The following FRY variants were observed in gnomAD, a reference collection of about 807,000 sequenced individuals.
The protein encoded by FRY is protein furry homolog.
A neutral mutation model predicts 348.4 loss-of-function variants in FRY; 128 were observed. That is an observed-to-expected ratio of 0.37 (90% CI 0.32 to 0.43). FRY has a LOEUF of 0.43. Among genes scored for constraint, FRY ranks in the 20% least tolerant of loss-of-function variants. FRY has a pLI of 1.00. For synonymous variants in FRY, 1,370 were observed against 1,374.7 expected (o/e 1.00, Z 0.08); for missense variants, 2,736 against 3,695.2 (o/e 0.74, Z 6.73).
chr13:32,278,125 C>G (rs1888627921), intron 57 of FRY, among the ~76,000 whole-genome samples: 1 of 152,192 alleles, frequency 6.6e-6, no homozygotes, highest in South Asian at 2.1e-4. Flanking sequence ...AGTATTGGTC[C>G]TGTCTTCTAA....
chr13:32,078,398 A>T (rs1322583766), intron 1 of FRY, among the ~76,000 whole-genome samples: 1 of 152,092 alleles, frequency 6.6e-6, no homozygotes, highest in Non-Finnish European at 1.5e-5. Context: ...AGTCCTTTCC[A>T]TTATTAGAAT....
In FRY at chr13:32,185,129, C is replaced by T; in HGVS notation, c.3300C>T (p.Asn1100=). ...CACATTTTAGTGCAATGGTGGCCAA[C>T]TTGATTCAGTGTGTTCCAGGTACGG... is the stretch of plus-strand genomic sequence containing the variant. ...IRAHFSAMVA[N]LIQCVPVHHR... Residue 1100 remains asparagine, a synonymous_variant, in exon 26 of 61, where the codon AAC becomes AAT. Transcript: ENST00000542859. 2 of 1,613,950 alleles carry T rather than the reference C, an allele frequency of 1.2e-6. No individual in the cohort carries two copies. The highest frequency in any genetic ancestry group is 1.7e-6 in the Non-Finnish European group (2 of 1,179,828).
At chr13:32,094,863 A>G (rs1876582754) in intron 2 of FRY, among the ~76,000 whole-genome samples, 2 of 152,128 alleles carry the variant, frequency 1.3e-5, no homozygotes, top group Admixed American at 1.3e-4. Context: ...TCCTCTCAGT[A>G]TTTGGAAAAG....
chr13:32,274,739 G>A, intron 55 of FRY, 103 bp from the exon 56 acceptor site: 1 of 600,462 alleles, frequency 1.7e-6, no homozygotes, highest in South Asian at 1.6e-5. Flanking sequence ...ATCAGTTAAT[G>A]TAATTGGAAT....
chr13:32,257,866 T>C lies in FRY; in HGVS notation c.7416+3472T>C, dbSNP rs1199250594. The C allele has an allele frequency of 3.9e-6, 4 of 1,015,632 alleles. No homozygotes were observed. The African/African-American group carries it at 6.3e-5, about 16-fold the overall frequency. The allele number at this position is 1,015,632 out of a possible 1,614,324, so 62.9% of individuals were successfully genotyped here. A position where few individuals can be genotyped will look rare whatever the true frequency, so the allele number is the denominator to read the frequency against. ...TATTGTTAGCACTGTTGGTTAATGT[T>C]GTGTTAACACTAAGAGAAATGTTCT... On this transcript the variant is annotated intron_variant, in intron 51 of 60. Coordinates refer to ENST00000542859, the MANE Select transcript of FRY (RefSeq NM_023037.3).
In FRY at chr13:32,178,392, T is replaced by G; in HGVS notation, c.2637T>G (p.Tyr879Ter). ...CPTALSYAWP[Y>*]AFTRLQSVMP... ...CAGCCCTCAGCTATGCCTGGCCTTA[T>G]GCCTTCACTCGGCTCCAGTCGGTGA... The change falls in exon 21 of 61, where the codon TAT becomes TAG. Residue 879 changes from tyrosine to a stop codon, truncating the protein, a stop_gained. Coordinates refer to ENST00000542859, the MANE Select transcript of FRY (RefSeq NM_023037.3). LOFTEE classifies it high-confidence loss of function. 1 of 1,614,188 alleles carries G rather than the reference T, an allele frequency of 6.2e-7. No individual in the cohort carries two copies. The highest frequency in any genetic ancestry group is 8.5e-7 in the Non-Finnish European group (1 of 1,180,020).
chr13:32,038,348 A>G (rs1412866489), intron 1 of FRY: 1 of 152,214 alleles, frequency 6.6e-6, no homozygotes, highest in South Asian at 2.1e-4. Flanking sequence ...CATATGTATT[A>G]CGATTTTCCG....
At position 32,115,217 on chromosome 13, in the gene FRY, A is replaced by T. The variant is rs193194678; in HGVS notation, c.325-2117A>T. Reference sequence around the variant, plus strand: ...AAGGTGACAGTGGAAAATCCTATTGACACAAAGCACTTTAGCTCCCTTTGC... The same window carrying T: ...AAGGTGACAGTGGAAAATCCTATTGTCACAAAGCACTTTAGCTCCCTTTGC... On this transcript the variant is annotated intron_variant, in intron 3 of 60. Coordinates refer to ENST00000542859, the MANE Select transcript of FRY (RefSeq NM_023037.3). Among the ~76,000 whole-genome samples the T allele has an allele frequency of 3.1e-3, 479 of 152,336 alleles. 2 individuals are homozygous for T. Among genetic ancestry groups the T allele is most frequent in the Middle Eastern group, 0.017 (5 of 294 alleles).
chr13:32,268,505 A>AAAATATATAT (rs1555273232), intron 55 of FRY, among the ~76,000 whole-genome samples: 6 of 28,294 alleles, frequency 2.1e-4, no homozygotes, highest in Admixed American at 9.6e-4. Context: ...AAAAAAAAAA[A>AAAATATATAT]ATATATATAT....
At chr13:32,139,294 A>G (rs940301358) in intron 11 of FRY, among the ~76,000 whole-genome samples, 2 of 152,204 alleles carry the variant, frequency 1.3e-5, no homozygotes, top group Non-Finnish European at 2.9e-5. Context: ...CTACCATTTC[A>G]TAAGTGACCA....
intron 31 of FRY, among the ~76,000 whole-genome samples, chr13:32,204,597 G>A (rs1593736988): frequency 6.6e-6 from 1 of 152,118 alleles, no homozygotes; most frequent in African/African-American, 2.4e-5. Flanking sequence ...CTGTTGAATG[G>A]CCCTCACCCC....
rs552767576 is a variant in FRY at position 32,292,046 on chromosome 13, G to A, written c.8580+2303G>A. The A allele has an allele frequency of 2.6e-4, 117 of 446,498 alleles. No individual in the cohort carries two copies. The Middle Eastern group carries it at 3.5e-3, about 13-fold the overall frequency. The allele number at this position is 446,498 out of a possible 1,614,324, so 27.7% of individuals were successfully genotyped here. Reference sequence around the variant, plus strand: ...TGCCCAGGCTGGAGTGCAATGGCACGATCTCGGCTCACTGCAACTGCCACC... The same window carrying A: ...TGCCCAGGCTGGAGTGCAATGGCACAATCTCGGCTCACTGCAACTGCCACC... On this transcript the variant is annotated intron_variant, in intron 59 of 60. Coordinates refer to ENST00000542859, the MANE Select transcript of FRY (RefSeq NM_023037.3).
intron 51 of FRY, among the ~76,000 whole-genome samples, chr13:32,256,992 G>A (rs1049328851): frequency 3.3e-4 from 51 of 152,250 alleles, no homozygotes; most frequent in African/African-American, 1.2e-3. Context: ...TTTTAAAATT[G>A]TATAAAATTA....
At chr13:32,049,582 T>C (rs463450) in intron 1 of FRY, among the ~76,000 whole-genome samples, 99,493 of 151,950 alleles carry the variant, frequency 0.65, 32,830 homozygotes, top group African/African-American at 0.69. Flanking sequence ...CTACAGGCGC[T>C]CGCCACCACA....
Position 32,178,402 on chromosome 13 carries a change from C to T in FRY, c.2647C>T (p.Arg883Trp), listed in dbSNP as rs201133560. ...CTATGCCTGGCCTTATGCCTTCACTCGGCTCCAGTCGGTGATGCCTCTGGT... is the reference window on the plus strand; with the variant it reads ...CTATGCCTGGCCTTATGCCTTCACTTGGCTCCAGTCGGTGATGCCTCTGGT... ...LSYAWPYAFT[R>W]LQSVMPLVDP... The change falls in exon 21 of 61, where the codon CGG becomes TGG. Residue 883 changes from arginine to tryptophan, a missense_variant. Arg to Trp is a moderately radical substitution (Grantham distance 101). Around this residue, in one of 9 missense-constraint regions of FRY, gnomAD observed 449 missense variants for 576.9 expected, o/e 0.78. Coordinates refer to ENST00000542859, the MANE Select transcript of FRY (RefSeq NM_023037.3). The T allele has an allele frequency of 1.2e-6, 2 of 1,614,128 alleles. No homozygotes were observed. Among genetic ancestry groups the T allele is most frequent in the South Asian group, 1.1e-5 (1 of 91,078 alleles).
intron 31 of FRY, among the ~76,000 whole-genome samples, chr13:32,206,957 G>A (rs1053668478): frequency 6.6e-6 from 1 of 152,098 alleles, no homozygotes; most frequent in East Asian, 1.9e-4. Flanking sequence ...TATTTCTGGA[G>A]CAGTGAATAG....
chr13:32,274,824 C>A lies in FRY; in HGVS notation c.8137-18C>A, dbSNP rs1888438522. The stretch of plus-strand genomic sequence containing the variant: ...GTTTAACTTGACCTTTACAAATGGT[C>A]ACTATTTTGCCTTGCAGAATATTCA... On this transcript the variant is annotated intron_variant, in intron 55 of 60. Coordinates refer to ENST00000542859, the MANE Select transcript of FRY (RefSeq NM_023037.3). The A allele has an allele frequency of 3.1e-6, 5 of 1,599,954 alleles. No homozygotes were observed. The highest frequency in any genetic ancestry group is 4.5e-5 in the East Asian group (2 of 44,538).
At chr13:32,143,861 T>A (rs1230861235) in intron 11 of FRY, among the ~76,000 whole-genome samples, 2 of 152,154 alleles carry the variant, frequency 1.3e-5, no homozygotes, top group African/African-American at 4.8e-5. Flanking sequence ...CACTTAACTC[T>A]CATACATTCC....
At chr13:32,111,379 C>T (rs189281394) in intron 3 of FRY, among the ~76,000 whole-genome samples, 123 of 152,144 alleles carry the variant, frequency 8.1e-4, no homozygotes, top group Non-Finnish European at 1.4e-3. Flanking sequence ...GCCTGTAGTC[C>T]CACCTACTCG....
Sources: gnomAD v4.1 joint callset for allele counts (sites outside exome capture counted in the v4.1 genomes callset) on GRCh38, gnomAD v4.1.1 for gene constraint, gnomAD v4.1.1 regional missense constraint, MANE v1.5 for transcripts, NCBI Gene and HGNC (gene_info 2026-07-23, HGNC 2026-07-21) for gene names.